The following SMYD3 variants were observed in gnomAD, a reference collection of about 807,000 sequenced individuals.
SMYD3 encodes SET and MYND domain containing 3, also known as histone-lysine N-methyltransferase SMYD3.
Under a neutral mutation model 57.7 loss-of-function variants are expected in SMYD3, and 36 were observed. That is an observed-to-expected ratio of 0.62 (90% CI 0.48 to 0.82). SMYD3 has a LOEUF of 0.82. SMYD3 is among the 40% of genes least tolerant of loss of function. The pLI is 0.00. For synonymous variants in SMYD3, 211 were observed against 195.0 expected (o/e 1.08, Z -0.68); for missense variants, 515 against 538.8 (o/e 0.96, Z 0.44).
chr1:246,211,389 C>T (rs1268917673), intron 5 of SMYD3, among the ~76,000 whole-genome samples: 6 of 152,110 alleles, frequency 3.9e-5, no homozygotes, highest in Admixed American at 1.3e-4. Context: ...TTTTCAGAGA[C>T]TGGTTGAATA....
chr1:246,054,918 G>A (rs1286662315), intron 5 of SMYD3, among the ~76,000 whole-genome samples: 9 of 147,492 alleles, frequency 6.1e-5, no homozygotes, highest in Middle Eastern at 3.5e-3. Flanking sequence ...GCTCACGCCT[G>A]TAATCCCAGC....
intron 7 of SMYD3, among the ~76,000 whole-genome samples, chr1:245,921,315 T>C (rs528313728): frequency 6.6e-6 from 1 of 152,238 alleles, no homozygotes; most frequent in East Asian, 1.9e-4. Context: ...AGGGAACACT[T>C]ATACACTATT....
At chr1:245,941,822 C>T (rs2057255956) in intron 5 of SMYD3, among the ~76,000 whole-genome samples, 1 of 152,132 alleles carries the variant, frequency 6.6e-6, no homozygotes, top group Non-Finnish European at 1.5e-5. Context: ...TGCACCCTGC[C>T]TCAATATTCT....
chr1:246,316,368 T>G (rs893732924), intron 5 of SMYD3, among the ~76,000 whole-genome samples: 1 of 150,980 alleles, frequency 6.6e-6, no homozygotes, highest in African/African-American at 2.4e-5. Flanking sequence ...TGGGTTTTTT[T>G]TTTTTTTTTT....
chr1:245,830,555 G>A (rs918158734), intron 10 of SMYD3, among the ~76,000 whole-genome samples: 3 of 152,192 alleles, frequency 2.0e-5, no homozygotes, highest in Non-Finnish European at 4.4e-5. Flanking sequence ...GTAGGCAACT[G>A]GCCTGGGCAC....
At chr1:246,185,923 T>G (rs2062633115) in intron 5 of SMYD3, among the ~76,000 whole-genome samples, 1 of 152,204 alleles carries the variant, frequency 6.6e-6, no homozygotes, top group Admixed American at 6.5e-5. Context: ...ATTAACAAAC[T>G]TAGGACAGTG....
At position 245,915,651 on chromosome 1, in the gene SMYD3, C is replaced by T; in HGVS notation, c.703-11G>A. ...GTAGCAGATGGTGAGCTGTGCAGGC[C>T]AGAGAGAGGGAAGCGCTGAAACATC... On this transcript the variant is annotated splice_polypyrimidine_tract_variant and intron_variant, in intron 7 of 11. Coordinates refer to ENST00000490107, the MANE Select transcript of SMYD3 (RefSeq NM_001167740.2). The T allele has an allele frequency of 1.9e-6, 3 of 1,578,512 alleles. No homozygotes were observed. The highest frequency in any genetic ancestry group is 2.6e-6 in the Non-Finnish European group (3 of 1,149,250).
At chr1:246,347,958 A>G (rs2065750200) in intron 2 of SMYD3, among the ~76,000 whole-genome samples, 1 of 151,350 alleles carries the variant, frequency 6.6e-6, no homozygotes, top group Non-Finnish European at 1.5e-5. Flanking sequence ...ATTCTACCAA[A>G]AAGACACATG....
chr1:245,833,784 C>T (rs908979325), intron 10 of SMYD3, among the ~76,000 whole-genome samples: 4 of 152,212 alleles, frequency 2.6e-5, no homozygotes, highest in Admixed American at 6.5e-5. Flanking sequence ...ACAACCTCAG[C>T]GTCCTGGCCA....
intron 5 of SMYD3, among the ~76,000 whole-genome samples, chr1:246,036,061 T>C (rs1294853198): frequency 6.6e-6 from 1 of 152,184 alleles, no homozygotes; most frequent in Admixed American, 6.5e-5. Flanking sequence ...GTGTCATTGA[T>C]TTTAAGTATG....
At chr1:245,901,634 G>A (rs2054188761) in intron 8 of SMYD3, among the ~76,000 whole-genome samples, 1 of 100,222 alleles carries the variant, frequency 1.0e-5, no homozygotes, top group South Asian at 4.4e-4. Context: ...GAGGCAGCTG[G>A]CACTCATCTC....
chr1:245,961,166 C>T (rs901088711), intron 5 of SMYD3, among the ~76,000 whole-genome samples: 7 of 152,122 alleles, frequency 4.6e-5, no homozygotes, highest in Admixed American at 2.0e-4. Context: ...CTCCCTTGGG[C>T]GCTACCACAA....
chr1:245,863,424 G>A (rs1221255119), intron 9 of SMYD3, among the ~76,000 whole-genome samples: 1 of 152,132 alleles, frequency 6.6e-6, no homozygotes, highest in African/African-American at 2.4e-5. Flanking sequence ...GACGGTCAAT[G>A]GCACTGAATG....
chr1:245,928,031 A>G lies in SMYD3; in HGVS notation c.602T>C (p.Ile201Thr). ...GTCACAGCTGTGATTGAGCAAAGAG[A>G]TACTGGAAAAAAAAAGGGGGGAAGA... ...QEVGVGLYPS[I>T]SLLNHSCDPN... Residue 201 changes from isoleucine (I) to threonine (T), a missense_variant and splice_region_variant, in exon 7 of 12, where the codon ATC becomes ACC. By Grantham distance (89) the Ile-to-Thr change is moderately conservative (BLOSUM62 -1). Coordinates refer to ENST00000490107, the MANE Select transcript of SMYD3 (RefSeq NM_001167740.2). 1.2e-6 allele frequency: 2 copies of G among 1,610,100 alleles called. No individual in the cohort carries two copies. The highest frequency in any genetic ancestry group is 1.7e-6 in the Non-Finnish European group (2 of 1,177,420).
intron 1 of SMYD3, among the ~76,000 whole-genome samples, chr1:246,424,044 T>C (rs1166302142): frequency 6.6e-6 from 1 of 152,120 alleles, no homozygotes. Flanking sequence ...AAGCTAGAAA[T>C]TTTTAAGGAA....
At chr1:246,038,950 GA>G (rs766902697) in intron 5 of SMYD3, among the ~76,000 whole-genome samples, 1 of 151,950 alleles carries the variant, frequency 6.6e-6, no homozygotes, top group African/African-American at 2.4e-5. Flanking sequence ...AGACTTTCAG[GA>G]AAAAAACACT....
At chr1:246,449,145 T>G (rs10802406) in intron 1 of SMYD3, among the ~76,000 whole-genome samples, 33,759 of 151,554 alleles carry the variant, frequency 0.22, 4,447 homozygotes, top group Non-Finnish European at 0.29. Flanking sequence ...GATGGGAGAG[T>G]CACTTGAGCC....
intron 5 of SMYD3, among the ~76,000 whole-genome samples, chr1:246,049,612 T>C (rs974034514): frequency 6.6e-6 from 1 of 152,176 alleles, no homozygotes; most frequent in African/African-American, 2.4e-5. Context: ...GCCCATACTA[T>C]GTGTTTTAAA....
chr1:245,798,325 C>G (rs887684305), intron 10 of SMYD3, among the ~76,000 whole-genome samples: 2 of 91,368 alleles, frequency 2.2e-5, no homozygotes, highest in Non-Finnish European at 5.7e-5. Flanking sequence ...GGCCCCGGCC[C>G]ATGGGGAAGG....
Sources: allele counts gnomAD v4.1 joint callset (sites outside exome capture counted in the v4.1 genomes callset), GRCh38; gene constraint gnomAD v4.1.1; transcripts MANE v1.5; gene names NCBI Gene and HGNC (gene_info 2026-07-23, HGNC 2026-07-21).